Variants in ROBO2 observed in about 807,000 individuals in gnomAD.
ROBO2 encodes the protein roundabout homolog 2.
In ROBO2, 53 loss-of-function variants were observed where a neutral mutation model predicts 160.8. That is an observed-to-expected ratio of 0.33 (90% CI 0.26 to 0.41). The LOEUF is 0.41. Among genes scored for constraint, ROBO2 ranks in the 10% least tolerant of loss-of-function variants. ROBO2 has a pLI of 1.00. For missense variants in ROBO2, 1,577 were observed against 1,722.4 expected, an observed-to-expected ratio of 0.92 and a Z score of 1.49; for synonymous variants, 664 against 611.7, an observed-to-expected ratio of 1.09 and a Z score of -1.26.
intron 2 of ROBO2, among the ~76,000 whole-genome samples, chr3:76,994,659 A>G (rs2060885386): frequency 6.6e-6 from 1 of 152,204 alleles, no homozygotes; most frequent in South Asian, 2.1e-4. Flanking sequence ...GCAAAGCTCT[A>G]TATACACAGT....
At chr3:76,331,969 C>T (rs1413005933) in intron 2 of ROBO2, among the ~76,000 whole-genome samples, 1 of 152,086 alleles carries the variant, frequency 6.6e-6, no homozygotes, top group African/African-American at 2.4e-5. Context: ...CAGGAGTGAG[C>T]CACTGCGCCC....
At chr3:76,085,645 G>T (rs1408830157) in intron 2 of ROBO2, among the ~76,000 whole-genome samples, 9 of 152,138 alleles carry the variant, frequency 5.9e-5, no homozygotes. Context: ...TGTTGCCCCT[G>T]AAATTGGAGA....
At chr3:77,387,338 CAAAAAAA>C (rs59885508) in intron 2 of ROBO2, among the ~76,000 whole-genome samples, 1 of 121,888 alleles carries the variant, frequency 8.2e-6, no homozygotes, top group Non-Finnish European at 1.7e-5. Context: ...CCCCGTCTCT[CAAAAAAA>C]AAAAAAAAAT....
intron 2 of ROBO2, among the ~76,000 whole-genome samples, chr3:77,337,440 A>T (rs1402596049): frequency 2.0e-5 from 3 of 152,182 alleles, no homozygotes; most frequent in Non-Finnish European, 4.4e-5. Flanking sequence ...TATTTTCTTA[A>T]AGGCTGCTCA....
intron 2 of ROBO2, among the ~76,000 whole-genome samples, chr3:77,029,675 T>C (rs914459990): frequency 6.6e-6 from 1 of 152,200 alleles, no homozygotes; most frequent in African/African-American, 2.4e-5. Flanking sequence ...AAGATGTTCA[T>C]GGTATAGAAT....
intron 1 of ROBO2, among the ~76,000 whole-genome samples, chr3:75,917,748 A>C (rs1280375349): frequency 3.3e-5 from 5 of 152,172 alleles, no homozygotes; most frequent in Admixed American, 6.5e-5. Context: ...GTGAGATGGT[A>C]TGTCATTGTG....
In ROBO2 at chr3:76,108,755, A is replaced by G. The variant is rs565185509; in HGVS notation, c.109+171153A>G. Among the ~76,000 whole-genome samples, 10 of 151,508 alleles carry G rather than the reference A, an allele frequency of 6.6e-5. No individual in the cohort carries two copies. In the East Asian group the frequency reaches 1.9e-3, roughly 29 times the overall value. ...CTATGTATTACCAAATTCTGTTGAT[A>G]GAATTTAACTTAATTAGAATTTTGT... On this transcript the variant is annotated intron_variant, in intron 2 of 26. Transcript: ENST00000487694.
chr3:76,541,078 G>C (rs1031699654), intron 2 of ROBO2, among the ~76,000 whole-genome samples: 18 of 152,164 alleles, frequency 1.2e-4, no homozygotes, highest in Non-Finnish European at 2.5e-4. Context: ...GTGACTACAG[G>C]CATGAGCCAT....
intron 2 of ROBO2, among the ~76,000 whole-genome samples, chr3:77,320,629 T>G (rs2064572317): frequency 6.6e-6 from 1 of 152,072 alleles, no homozygotes; most frequent in Non-Finnish European, 1.5e-5. Flanking sequence ...AGGTACTGAT[T>G]TGTATGTTGG....
intron 2 of ROBO2, among the ~76,000 whole-genome samples, chr3:76,595,044 G>A (rs772901963): frequency 6.6e-6 from 1 of 151,916 alleles, no homozygotes; most frequent in African/African-American, 2.4e-5. Context: ...TGATGAGACT[G>A]GAGAAAGATG....
intron 2 of ROBO2, among the ~76,000 whole-genome samples, chr3:77,139,164 G>A (rs1243165122): frequency 6.6e-6 from 1 of 152,040 alleles, no homozygotes; most frequent in Non-Finnish European, 1.5e-5. Flanking sequence ...GTTACTGAGA[G>A]TTAATCTGAT....
chr3:76,084,461 C>T (rs1373355888), intron 2 of ROBO2, among the ~76,000 whole-genome samples: 1 of 152,088 alleles, frequency 6.6e-6, no homozygotes, highest in Non-Finnish European at 1.5e-5. Flanking sequence ...TACTGTTTTA[C>T]AGATAAGAAA....
At chr3:77,332,749 A>G (rs979509760) in intron 2 of ROBO2, among the ~76,000 whole-genome samples, 2 of 152,356 alleles carry the variant, frequency 1.3e-5, no homozygotes, top group South Asian at 2.1e-4. Flanking sequence ...TCATTATAAT[A>G]AAAACAGATA....
At chr3:77,525,390 C>G (rs1400190585) in intron 6 of ROBO2, among the ~76,000 whole-genome samples, 2 of 147,920 alleles carry the variant, frequency 1.4e-5, no homozygotes, top group Non-Finnish European at 3.0e-5. Context: ...TGAAACAGAT[C>G]TACTCAGTTA....
At chr3:76,013,413 G>T (rs1475658204) in intron 2 of ROBO2, among the ~76,000 whole-genome samples, 2 of 150,362 alleles carry the variant, frequency 1.3e-5, no homozygotes, top group African/African-American at 4.9e-5. Context: ...TGGCTTATGT[G>T]TGTAATCCCA....
At chr3:76,239,538 G>A (rs1408439437) in intron 2 of ROBO2, among the ~76,000 whole-genome samples, 1 of 152,050 alleles carries the variant, frequency 6.6e-6, no homozygotes, top group African/African-American at 2.4e-5. Flanking sequence ...GACAGGTGTT[G>A]AAGTCCAGTC....
chr3:76,628,336 A>G (rs1347906254), intron 2 of ROBO2, among the ~76,000 whole-genome samples: 2 of 151,520 alleles, frequency 1.3e-5, no homozygotes, highest in Non-Finnish European at 2.9e-5. Flanking sequence ...CGCAACCCCA[A>G]ACTCCGCAAC....
rs569266988 is a variant in ROBO2, at chr3:76,192,295, A to G, written c.109+254693A>G. ...AACCTGACCTTCGATTGGCTTACCA[A>G]TCCTGCCATTTCCCTAGTTAGTGCT... On this transcript the variant is annotated intron_variant, in intron 2 of 26. Coordinates refer to the ROBO2 transcript ENST00000487694. Among the ~76,000 whole-genome samples the G allele has an allele frequency of 3.3e-5, 5 of 151,868 alleles. No homozygotes were observed. In the South Asian group the frequency reaches 8.4e-4, roughly 25 times the overall value.
intron 2 of ROBO2, among the ~76,000 whole-genome samples, chr3:76,554,489 C>G (rs2083594699): frequency 6.6e-6 from 1 of 152,126 alleles, no homozygotes. Context: ...TATGCTTTTG[C>G]TTAAACACTT....
Sources: allele counts gnomAD v4.1 joint callset (sites outside exome capture counted in the v4.1 genomes callset), GRCh38; gene constraint gnomAD v4.1.1; transcripts MANE v1.5; gene names NCBI Gene and HGNC (gene_info 2026-07-23, HGNC 2026-07-21).